The following MYLK3 variants were observed in gnomAD, a reference collection of about 807,000 sequenced individuals.
MYLK3 encodes MLC kinase.
In MYLK3, 55 loss-of-function variants were observed where a neutral mutation model predicts 76.3. The ratio of observed to expected loss-of-function variants is 0.72; its 90% CI spans 0.58 to 0.90. The LOEUF is 0.90. MYLK3 is among the 40% of genes least tolerant of loss of function. The probability of loss-of-function intolerance (pLI) is 0.00; values close to 1 mark genes in which losing one functional copy is unlikely to be tolerated. For synonymous variants in MYLK3, 416 were observed against 425.4 expected (o/e 0.98, Z 0.27); for missense variants, 973 against 1,053.6 (o/e 0.92, Z 1.06).
At chr16:46,732,705 C>A in intron 3 of MYLK3, 37 bp from the exon 4 acceptor site, 1 of 1,437,096 alleles carries the variant, frequency 7.0e-7, no homozygotes, top group East Asian at 2.4e-5. Flanking sequence ...AGGTTAGAGG[C>A]AAGGACTCTG....
At position 46,704,842 on chromosome 16, in the gene MYLK3, T is replaced by A. The variant is rs868643086; in HGVS notation, c.*2862A>T. 1 of 152,212 alleles carries A rather than the reference T, an allele frequency of 6.6e-6. No individual in the cohort carries two copies. The highest frequency in any genetic ancestry group is 1.5e-5 in the Non-Finnish European group (1 of 68,036). 9.4% of individuals were successfully genotyped at this position (152,212 alleles called of 1,614,324 possible). On this transcript the variant is annotated 3_prime_UTR_variant, in exon 13 of 13. Transcript: ENST00000394809. Reference sequence around the variant, plus strand: ...CAGGGTATGAACCACAATAGAACTATAAAATATACTCTCTAGCTCCTTCTG... The same window carrying A: ...CAGGGTATGAACCACAATAGAACTAAAAAATATACTCTCTAGCTCCTTCTG...
intron 1 of MYLK3, among the ~76,000 whole-genome samples, chr16:46,756,072 G>T (rs917929831): frequency 6.6e-6 from 1 of 151,770 alleles, no homozygotes; most frequent in Non-Finnish European, 1.5e-5. Context: ...ACCACACCCG[G>T]CTAATTTTTT....
intron 1 of MYLK3, among the ~76,000 whole-genome samples, chr16:46,755,281 C>T (rs1967183120): frequency 6.6e-6 from 1 of 151,912 alleles, no homozygotes; most frequent in Non-Finnish European, 1.5e-5. Flanking sequence ...CAAGGTGAAA[C>T]CCCGTCTCTA....
At chr16:46,709,758 T>A in intron 11 of MYLK3, 87 bp from the exon 12 acceptor site, 2 of 1,460,900 alleles carry the variant, frequency 1.4e-6, no homozygotes, top group South Asian at 2.6e-5. Flanking sequence ...GAAGCCTGAG[T>A]CAGTGGAACA....
upstream of MYLK3, among the ~76,000 whole-genome samples, chr16:46,752,958 C>T (rs1306749425): frequency 6.6e-6 from 1 of 152,168 alleles, no homozygotes; most frequent in African/African-American, 2.4e-5. Flanking sequence ...CTCTCCTTCC[C>T]CTCCAGAGAC....
At chr16:46,757,666 A>C in intron 1 of MYLK3, 1 of 936,912 alleles carries the variant, frequency 1.1e-6, no homozygotes, top group Middle Eastern at 5.5e-4. Flanking sequence ...ATTTCCGCTT[A>C]TCTCTGACCC....
chr16:46,752,197 G>T (rs1567293228), upstream of MYLK3, among the ~76,000 whole-genome samples: 1 of 152,096 alleles, frequency 6.6e-6, no homozygotes, highest in Admixed American at 6.6e-5. Flanking sequence ...CAGTCTCGGG[G>T]ATCATGGGGT....
intron 5 of MYLK3, 30 bp from the exon 6 acceptor site, chr16:46,729,717 A>G (rs752129895): frequency 6.3e-7 from 1 of 1,598,842 alleles, no homozygotes; most frequent in Non-Finnish European, 8.6e-7. Flanking sequence ...CGGCAGGCTG[A>G]GAGCCCAGAG....
rs918802438 is a variant in MYLK3 at position 46,705,832 on chromosome 16, C to A, written c.*1872G>T. On this transcript the variant is annotated 3_prime_UTR_variant, in exon 13 of 13. Transcript: ENST00000394809. ...CAAAACCCTATCTCCACTAAAAATA[C>A]AAAAATTAGCTGGGTGTAGTAGCGG... 1 of 151,834 alleles carries A rather than the reference C, an allele frequency of 6.6e-6. No homozygotes were observed. The highest frequency in any genetic ancestry group is 6.6e-5 in the Admixed American group (1 of 15,210). The allele number at this position is 151,834 out of a possible 1,614,324, so 9.4% of individuals were successfully genotyped here.
chr16:46,740,848 G>A (rs1003672044), intron 1 of MYLK3, among the ~76,000 whole-genome samples: 3 of 152,094 alleles, frequency 2.0e-5, no homozygotes, highest in African/African-American at 4.8e-5. Context: ...TACCACGCCC[G>A]GCCAGAGATG....
chr16:46,737,651 C>A, intron 3 of MYLK3, 60 bp downstream of exon 3: 1 of 1,495,904 alleles, frequency 6.7e-7, no homozygotes, highest in Non-Finnish European at 9.0e-7. Context: ...CACGGCCGAG[C>A]TCCAGCGAGG....
rs1269755599 is a variant in MYLK3 at position 46,703,440 on chromosome 16, C to T, written c.*4264G>A. ...TCAAAAGTGGGAGAATGCCATTTTCCCCACAGCCTCACCAATTCTTCACCA... is the reference window on the plus strand; with the variant it reads ...TCAAAAGTGGGAGAATGCCATTTTCTCCACAGCCTCACCAATTCTTCACCA... On this transcript the variant is annotated 3_prime_UTR_variant, in exon 13 of 13. Transcript: ENST00000394809. 3.3e-5 allele frequency: 5 copies of T among 152,148 alleles called. No homozygotes were observed. Among genetic ancestry groups the T allele is most frequent in the Non-Finnish European group, 7.4e-5 (5 of 68,026 alleles). 9.4% of individuals were successfully genotyped at this position (152,148 alleles called of 1,614,324 possible). A position where few individuals can be genotyped will look rare whatever the true frequency, so the allele number is the denominator to read the frequency against.
chr16:46,715,764 T>C (rs1966730890), intron 9 of MYLK3, among the ~76,000 whole-genome samples: 1 of 152,210 alleles, frequency 6.6e-6, no homozygotes, highest in South Asian at 2.1e-4. Context: ...TGTACAAATA[T>C]GTGCCTCCAC....
At chr16:46,761,210 G>T (rs1195927748) in intron 1 of MYLK3, among the ~76,000 whole-genome samples, 2 of 152,136 alleles carry the variant, frequency 1.3e-5, no homozygotes, top group Admixed American at 6.5e-5. Flanking sequence ...GCAGGTGGGG[G>T]TGAGGATGCA....
intron 1 of MYLK3, among the ~76,000 whole-genome samples, chr16:46,754,261 T>C (rs1364415843): frequency 6.6e-6 from 1 of 151,884 alleles, no homozygotes; most frequent in Non-Finnish European, 1.5e-5. Flanking sequence ...CATTATGCAA[T>C]TTTAGAACAC....
upstream of MYLK3, among the ~76,000 whole-genome samples, chr16:46,751,505 C>T (rs981637916): frequency 7.9e-5 from 12 of 152,232 alleles, no homozygotes; most frequent in East Asian, 1.9e-4. Context: ...AAGGTGGCTG[C>T]GGCTGGAAGC....
chr16:46,707,793 A>G, intron 12 of MYLK3, 30 bp from the exon 13 acceptor site: 1 of 1,555,318 alleles, frequency 6.4e-7, no homozygotes, highest in Non-Finnish European at 8.8e-7. Flanking sequence ...AAAAGAAAAG[A>G]AAAAGCATGT....
intron 3 of MYLK3, among the ~76,000 whole-genome samples, chr16:46,736,168 T>C (rs747311764): frequency 6.6e-6 from 1 of 152,168 alleles, no homozygotes; most frequent in Non-Finnish European, 1.5e-5. Flanking sequence ...CACGCCACCA[T>C]GCCCACGGTA....
intron 9 of MYLK3, among the ~76,000 whole-genome samples, chr16:46,720,240 G>A (rs1010496857): frequency 2.0e-5 from 3 of 152,016 alleles, no homozygotes; most frequent in Non-Finnish European, 4.4e-5. Context: ...TTTAGACAGG[G>A]TCTAGCTCTA....
Sources: allele counts gnomAD v4.1 joint callset (sites outside exome capture counted in the v4.1 genomes callset), GRCh38; gene constraint gnomAD v4.1.1; transcripts MANE v1.5; gene names NCBI Gene and HGNC (gene_info 2026-07-23, HGNC 2026-07-21).